The following ROBO2 variants were observed in gnomAD, a reference collection of about 807,000 sequenced individuals.
ROBO2 encodes the protein roundabout homolog 2.
In ROBO2, 53 loss-of-function variants were observed where a neutral mutation model predicts 160.8. The ratio of observed to expected loss-of-function variants is 0.33; its 90% confidence interval spans 0.26 to 0.41. The LOEUF (loss-of-function observed/expected upper bound fraction) is 0.41. ROBO2 is among the 10% of genes least tolerant of loss of function. The pLI, the probability that ROBO2 is intolerant of heterozygous loss-of-function variation, is 1.00. For missense variants in ROBO2, 1,577 were observed against 1,722.4 expected, an observed-to-expected ratio of 0.92 and a Z score of 1.49; for synonymous variants, 664 against 611.7, an observed-to-expected ratio of 1.09 and a Z score of -1.26.
At chr3:76,448,020 T>C (rs1185721713) in intron 2 of ROBO2, among the ~76,000 whole-genome samples, 1 of 151,646 alleles carries the variant, frequency 6.6e-6, no homozygotes, top group Non-Finnish European at 1.5e-5. Context: ...TGTGTACATG[T>C]ACCCTAGAAC....
chr3:77,213,365 T>C (rs1447282759), intron 2 of ROBO2, among the ~76,000 whole-genome samples: 3 of 152,238 alleles, frequency 2.0e-5, no homozygotes, highest in South Asian at 2.1e-4. Context: ...TTTATTTGCA[T>C]AGAGTTGTTT....
exon 7 of ROBO2, chr3:77,546,434 C>A: frequency 6.2e-7 from 1 of 1,613,308 alleles, no homozygotes; most frequent in Non-Finnish European, 8.5e-7. Context: ...CCACAGCCAG[C>A]TGTTTTTTGG....
At chr3:77,600,206 G>T (rs1187495677) in intron 19 of ROBO2, among the ~76,000 whole-genome samples, 1 of 152,178 alleles carries the variant, frequency 6.6e-6, no homozygotes, top group Admixed American at 6.5e-5. Flanking sequence ...CTAGCCCAGA[G>T]TTCCAAATCA....
chr3:76,595,885 T>C lies in ROBO2; in HGVS notation c.110-502129T>C, dbSNP rs182360971. On this transcript the variant is annotated intron_variant, in intron 2 of 26. Transcript: ENST00000487694. ...ATTCAGCCAGTCAGTACCAATCATGTCTTCAAACACCCGTGAGCCACGTAA... is the reference window on the plus strand; with the variant it reads ...ATTCAGCCAGTCAGTACCAATCATGCCTTCAAACACCCGTGAGCCACGTAA... Among the ~76,000 whole-genome samples the C allele has an allele frequency of 2.0e-3, 309 of 151,962 alleles. 6 individuals carry two copies. Among genetic ancestry groups the C allele is most frequent in the Admixed American group, 0.018 (280 of 15,218 alleles).
At chr3:76,624,796 C>CAAAAAAACAAAAAAA (rs2089498781) in intron 2 of ROBO2, among the ~76,000 whole-genome samples, 1 of 46,292 alleles carries the variant, frequency 2.2e-5, no homozygotes, top group African/African-American at 1.0e-4. Flanking sequence ...GACTCCGTCT[C>CAAAAAAACAAAAAAA]AAAAAAAAAA....
At chr3:77,089,884 G>T (rs2069889771) in intron 1 of ROBO2, among the ~76,000 whole-genome samples, 1 of 152,154 alleles carries the variant, frequency 6.6e-6, no homozygotes, top group Non-Finnish European at 1.5e-5. Context: ...GTTATGGACA[G>T]ACTTGATGGA....
chr3:76,390,198 G>T (rs2077080803), intron 2 of ROBO2, among the ~76,000 whole-genome samples: 1 of 151,984 alleles, frequency 6.6e-6, no homozygotes, highest in Non-Finnish European at 1.5e-5. Context: ...CCCACAAAAA[G>T]AAATAGTTGG....
intron 2 of ROBO2, among the ~76,000 whole-genome samples, chr3:77,234,721 C>T (rs17015103): frequency 0.026 from 4,004 of 152,214 alleles, 191 homozygotes; most frequent in East Asian, 0.21. Flanking sequence ...AGCATTCACT[C>T]TTTCTTGGCA....
intron 2 of ROBO2, among the ~76,000 whole-genome samples, chr3:76,877,570 G>C (rs972160690): frequency 6.6e-6 from 1 of 152,102 alleles, no homozygotes; most frequent in Non-Finnish European, 1.5e-5. Context: ...TGTTTGCTTT[G>C]GTTTTGACCA....
intron 2 of ROBO2, among the ~76,000 whole-genome samples, chr3:76,709,983 T>C (rs925003684): frequency 4.6e-5 from 7 of 151,622 alleles, no homozygotes; most frequent in African/African-American, 9.7e-5. Context: ...ACTTTAGAGG[T>C]AGGATTTTGA....
intron 2 of ROBO2, among the ~76,000 whole-genome samples, chr3:76,819,645 T>G (rs1383342448): frequency 2.0e-5 from 3 of 152,046 alleles, no homozygotes; most frequent in African/African-American, 7.2e-5. Flanking sequence ...GTTGGGATTG[T>G]TGTGATTCTT....
At chr3:76,237,405 A>T (rs1245866759) in intron 2 of ROBO2, among the ~76,000 whole-genome samples, 2 of 152,188 alleles carry the variant, frequency 1.3e-5, no homozygotes, top group African/African-American at 2.4e-5. Flanking sequence ...TACAAAACAA[A>T]TTCCAAAGAA....
intron 2 of ROBO2, among the ~76,000 whole-genome samples, chr3:76,741,533 C>T (rs564687223): frequency 6.6e-6 from 1 of 152,016 alleles, no homozygotes; most frequent in East Asian, 1.9e-4. Flanking sequence ...AAGTGGACTG[C>T]AAGGTTAACA....
In ROBO2 at chr3:76,772,556, T is replaced by G. The variant is rs566718385; in HGVS notation, c.110-325458T>G. 7.4e-5 allele frequency among the ~76,000 whole-genome samples: 11 copies of G among 148,766 alleles called. No individual in the cohort carries two copies. The South Asian group carries it at 1.3e-3, about 17-fold the overall frequency. ...TAATTTGAAAATCCGTGTTAAGAAATGGGACTGGATTTTTCTATACACTAA... is the reference window on the plus strand; with the variant it reads ...TAATTTGAAAATCCGTGTTAAGAAAGGGGACTGGATTTTTCTATACACTAA... On this transcript the variant is annotated intron_variant, in intron 2 of 26. Transcript: ENST00000487694.
intron 2 of ROBO2, among the ~76,000 whole-genome samples, chr3:77,015,893 A>C (rs551380958): frequency 2.8e-4 from 43 of 152,206 alleles, no homozygotes; most frequent in Non-Finnish European, 5.4e-4. Context: ...TTGAAATATA[A>C]CTTGATCTAA....
chr3:76,266,585 G>A (rs754231289), intron 2 of ROBO2, among the ~76,000 whole-genome samples: 2 of 152,092 alleles, frequency 1.3e-5, no homozygotes, highest in Non-Finnish European at 2.9e-5. Context: ...CTACATCCAA[G>A]ATTATGTTTG....
chr3:77,176,456 A>G (rs2080167183), intron 2 of ROBO2, among the ~76,000 whole-genome samples: 1 of 151,940 alleles, frequency 6.6e-6, no homozygotes, highest in Admixed American at 6.6e-5. Context: ...GTTTCTATTG[A>G]TTTTTTGATC....
intron 2 of ROBO2, among the ~76,000 whole-genome samples, chr3:76,548,967 A>G (rs1018343110): frequency 6.6e-6 from 1 of 152,126 alleles, no homozygotes; most frequent in East Asian, 1.9e-4. Flanking sequence ...ATCCCTGAAG[A>G]CACTAGGAAC....
intron 6 of ROBO2, among the ~76,000 whole-genome samples, chr3:77,543,311 G>A (rs1260947627): frequency 6.6e-6 from 1 of 152,162 alleles, no homozygotes; most frequent in African/African-American, 2.4e-5. Context: ...CACAGGGCAA[G>A]AACAATTTTA....
Sources: gnomAD v4.1 joint callset for allele counts (sites outside exome capture counted in the v4.1 genomes callset) on GRCh38, gnomAD v4.1.1 for gene constraint, MANE v1.5 for transcripts, NCBI Gene and HGNC (gene_info 2026-07-23, HGNC 2026-07-21) for gene names.